The following CCDC192 variants were observed in gnomAD, a reference collection of about 807,000 sequenced individuals.
CCDC192 encodes coiled-coil domain containing 192, also known as coiled-coil domain-containing protein 192.
chr5:127,761,023 C>A (rs937434505), intron 3 of CCDC192, among the ~76,000 whole-genome samples: 1 of 152,190 alleles, frequency 6.6e-6, no homozygotes, highest in African/African-American at 2.4e-5. Context: ...AAGAAACACT[C>A]CGTTCTGAAA....
chr5:127,775,123 A>T (rs983133616), intron 3 of CCDC192, among the ~76,000 whole-genome samples: 4 of 151,910 alleles, frequency 2.6e-5, no homozygotes, highest in African/African-American at 9.7e-5. Context: ...GGCCTTGGTG[A>T]CCCTGGTTAC....
intron 2 of CCDC192, among the ~76,000 whole-genome samples, chr5:127,725,954 T>A (rs1013867999): frequency 2.0e-5 from 3 of 152,162 alleles, no homozygotes; most frequent in Non-Finnish European, 4.4e-5. Context: ...TCTAGTAGGT[T>A]CCATTATTTT....
At chr5:127,710,671 C>T (rs943884444) in intron 2 of CCDC192, among the ~76,000 whole-genome samples, 2 of 152,104 alleles carry the variant, frequency 1.3e-5, no homozygotes, top group Admixed American at 1.3e-4. Context: ...AATTCCCTGT[C>T]CCTCTGAATC....
chr5:127,800,864 CTTCTA>C (rs1757470448), intron 5 of CCDC192, among the ~76,000 whole-genome samples: 1 of 152,094 alleles, frequency 6.6e-6, no homozygotes, highest in Admixed American at 6.6e-5. Context: ...ACTTCCATGT[CTTCTA>C]TTCCATTATA....
intron 5 of CCDC192, among the ~76,000 whole-genome samples, chr5:127,825,573 C>T (rs1749489650): frequency 1.3e-5 from 2 of 152,204 alleles, no homozygotes; most frequent in Admixed American, 1.3e-4. Context: ...CTTGGGTTTT[C>T]CAGAAAGGTC....
intron 6 of CCDC192, among the ~76,000 whole-genome samples, chr5:127,896,277 A>AAAT (rs1233551060): frequency 7.9e-5 from 12 of 152,088 alleles, no homozygotes; most frequent in South Asian, 2.1e-4. Context: ...CCGTCCCTAC[A>AAAT]AATAATAATA....
At chr5:127,922,675 A>G (rs1753754410) in intron 6 of CCDC192, among the ~76,000 whole-genome samples, 1 of 152,242 alleles carries the variant, frequency 6.6e-6, no homozygotes, top group African/African-American at 2.4e-5. Context: ...CAGGAGGTAG[A>G]GGCTGAAGTG....
intron 6 of CCDC192, among the ~76,000 whole-genome samples, chr5:127,902,595 A>G (rs1252909892): frequency 6.6e-6 from 1 of 152,236 alleles, no homozygotes; most frequent in Non-Finnish European, 1.5e-5. Context: ...GAAAGTCAAG[A>G]GATGAATCTG....
chr5:127,917,654 C>A (rs1482158906), intron 6 of CCDC192, among the ~76,000 whole-genome samples: 2 of 152,146 alleles, frequency 1.3e-5, no homozygotes, highest in Non-Finnish European at 2.9e-5. Context: ...AACCCACATA[C>A]TATTTATAGA....
At chr5:127,886,861 A>G (rs962214469) in intron 6 of CCDC192, among the ~76,000 whole-genome samples, 1 of 152,224 alleles carries the variant, frequency 6.6e-6, no homozygotes, top group African/African-American at 2.4e-5. Context: ...GCTGAGGCCA[A>G]GGAAATGAAA....
chr5:127,901,382 T>TTTTTCATTTGTA (rs577613543), intron 6 of CCDC192, among the ~76,000 whole-genome samples: 175 of 152,294 alleles, frequency 1.1e-3, no homozygotes, highest in African/African-American at 3.8e-3. Context: ...ACCAAACCTC[T>TTTTTCATTTGTA]TTTTCATTTG....
chr5:127,935,283 A>T (rs1220487008), intron 6 of CCDC192: 1 of 152,238 alleles, frequency 6.6e-6, no homozygotes, highest in Non-Finnish European at 1.5e-5. Context: ...ATGAACAAGA[A>T]GATGACTATG....
At chr5:127,932,584 G>A (rs1754067825) in intron 6 of CCDC192, among the ~76,000 whole-genome samples, 1 of 152,142 alleles carries the variant, frequency 6.6e-6, no homozygotes, top group African/African-American at 2.4e-5. Flanking sequence ...CTAGGATATT[G>A]TTGTATCCAC....
chr5:127,884,776 T>C (rs1432631829), intron 6 of CCDC192, among the ~76,000 whole-genome samples: 2 of 152,214 alleles, frequency 1.3e-5, no homozygotes, highest in African/African-American at 4.8e-5. Flanking sequence ...CCTTATAAAC[T>C]TGGAGAAGAC....
intron 5 of CCDC192, among the ~76,000 whole-genome samples, chr5:127,799,003 C>G (rs959430809): frequency 6.6e-6 from 1 of 152,156 alleles, no homozygotes; most frequent in African/African-American, 2.4e-5. Flanking sequence ...CTGAACAACC[C>G]AAATGCCTTA....
chr5:127,888,614 T>C (rs990135428), intron 6 of CCDC192, among the ~76,000 whole-genome samples: 1 of 152,166 alleles, frequency 6.6e-6, no homozygotes, highest in African/African-American at 2.4e-5. Context: ...TTATGGATGT[T>C]AACCACTAAG....
At chr5:127,846,899 C>T (rs1039767018) in intron 5 of CCDC192, among the ~76,000 whole-genome samples, 1 of 150,738 alleles carries the variant, frequency 6.6e-6, no homozygotes, top group Non-Finnish European at 1.5e-5. Flanking sequence ...CTAATGGGTT[C>T]CCACATTCTG....
chr5:127,913,476 T>C (rs1444867746), intron 6 of CCDC192, among the ~76,000 whole-genome samples: 2 of 152,190 alleles, frequency 1.3e-5, no homozygotes, highest in African/African-American at 4.8e-5. Flanking sequence ...GGAAAAGGGA[T>C]TTTTAGGTTC....
chr5:127,855,376 T>A (rs541905258), intron 5 of CCDC192, among the ~76,000 whole-genome samples: 4 of 152,344 alleles, frequency 2.6e-5, no homozygotes, highest in Non-Finnish European at 5.9e-5. Flanking sequence ...AGGAATTCAG[T>A]CACATCTTCA....
Sources: allele counts gnomAD v4.1 joint callset (sites outside exome capture counted in the v4.1 genomes callset), GRCh38; gene constraint gnomAD v4.1.1; transcripts MANE v1.5; gene names NCBI Gene and HGNC (gene_info 2026-07-23, HGNC 2026-07-21).